Variants in PFKFB3 observed in about 807,000 individuals in gnomAD.
The protein encoded by PFKFB3 is 6-phosphofructo-2-kinase/fructose-2,6-biphosphatase 3, also known as 6-phosphofructo-2-kinase/fructose-2,6-bisphosphatase 3.
Under a neutral mutation model 68.0 loss-of-function variants are expected in PFKFB3, and 33 were observed. The ratio of observed to expected loss-of-function variants is 0.49; its 90% CI spans 0.37 to 0.65. PFKFB3 has a LOEUF of 0.65. Ranked by LOEUF, PFKFB3 falls within the 30% of genes least tolerant of loss-of-function variation. PFKFB3 has a pLI of 0.00. For synonymous variants in PFKFB3, 315 were observed against 288.2 expected (o/e 1.09, Z -0.94); for missense variants, 586 against 712.2 (o/e 0.82, Z 2.02).
intron 1 of PFKFB3, among the ~76,000 whole-genome samples, chr10:6,161,577 C>CACACATATGTATATATAT (rs1169098573): frequency 3.2e-3 from 83 of 25,836 alleles, no homozygotes; most frequent in East Asian, 0.024. Flanking sequence ...TATATATATA[C>CACACATATGTATATATAT]ACACACACAT....
At chr10:6,288,514 C>A in the PFKFB3 span, among the ~76,000 whole-genome samples, 1 of 152,010 alleles carries the variant, frequency 6.6e-6, no homozygotes, top group Non-Finnish European at 1.5e-5. Context: ...TCATCCATGT[C>A]CCTACAAAGG....
At chr10:6,250,914 C>A (rs1846366912) in intron 14 of PFKFB3, among the ~76,000 whole-genome samples, 1 of 152,206 alleles carries the variant, frequency 6.6e-6, no homozygotes, top group Non-Finnish European at 1.5e-5. Context: ...TTGAACTACG[C>A]CAGCGCTTCT....
At chr10:6,199,221 ACTCT>A (rs998935748), upstream of PFKFB3, among the ~76,000 whole-genome samples, 1 of 151,894 alleles carries the variant, frequency 6.6e-6, no homozygotes, top group African/African-American at 2.4e-5. Context: ...TTGTCACCTC[ACTCT>A]CTCTGGGGCA....
intron 1 of PFKFB3, among the ~76,000 whole-genome samples, chr10:6,186,573 A>T (rs775674766): frequency 3.9e-5 from 6 of 152,234 alleles, no homozygotes; most frequent in Non-Finnish European, 7.3e-5. Context: ...CATTTCAAGA[A>T]TGGCACTGTG....
At chr10:6,225,822 C>T (rs941192062) in intron 13 of PFKFB3, among the ~76,000 whole-genome samples, 5 of 152,216 alleles carry the variant, frequency 3.3e-5, no homozygotes, top group Admixed American at 2.6e-4. Flanking sequence ...GGCCCAGCCT[C>T]TCCCTCCTAG....
chr10:6,244,983 T>G (rs1476482806), intron 14 of PFKFB3, among the ~76,000 whole-genome samples: 2 of 152,204 alleles, frequency 1.3e-5, no homozygotes, highest in African/African-American at 4.8e-5. Context: ...ACCTTCGAGA[T>G]CTGCAAGTTT....
At chr10:6,209,224 G>C (rs930390410) in intron 1 of PFKFB3, among the ~76,000 whole-genome samples, 1 of 152,196 alleles carries the variant, frequency 6.6e-6, no homozygotes, top group African/African-American at 2.4e-5. Context: ...GAGTCCCCCA[G>C]ATTCAATTCG....
At chr10:6,290,088 C>G in the PFKFB3 span, among the ~76,000 whole-genome samples, 1 of 152,124 alleles carries the variant, frequency 6.6e-6, no homozygotes, top group Non-Finnish European at 1.5e-5. Context: ...TGCTTATCAG[C>G]TTAAGGAGAT....
Position 6,220,122 on chromosome 10 carries a change from G to C in PFKFB3, c.623+429G>C, listed in dbSNP as rs1240129554. Reference sequence around the variant, plus strand: ...TTACTTGCTTGCCTGCTTGCTTAGAGACAGGGTCTCCCTTTGTCTCCCAGG... The same window carrying C: ...TTACTTGCTTGCCTGCTTGCTTAGACACAGGGTCTCCCTTTGTCTCCCAGG... On this transcript the variant is annotated intron_variant, in intron 7 of 14. Coordinates refer to ENST00000379775, the MANE Select transcript of PFKFB3 (RefSeq NM_004566.4). The surrounding 1 kb of genome is among the most constrained non-coding windows in gnomAD (Gnocchi z 4.1). Among the ~76,000 whole-genome samples the C allele has an allele frequency of 6.6e-6, 1 of 151,846 alleles. No homozygotes were observed. The highest frequency in any genetic ancestry group is 2.4e-5 in the African/African-American group (1 of 41,272).
intron 1 of PFKFB3, among the ~76,000 whole-genome samples, chr10:6,148,086 C>T (rs762385621): frequency 2.6e-5 from 4 of 152,242 alleles, no homozygotes; most frequent in African/African-American, 7.2e-5. Context: ...CACCAGCACA[C>T]GCTAGGTACC....
chr10:6,201,002 G>GC (rs1843329923), upstream of PFKFB3, among the ~76,000 whole-genome samples: 1 of 152,200 alleles, frequency 6.6e-6, no homozygotes, highest in Non-Finnish European at 1.5e-5. This position sits in a 1 kb window ranked among gnomAD's most constrained non-coding sequence, Gnocchi z 4.1. Context: ...GTGGAAGAAG[G>GC]CCCCCTGGTC....
intron 1 of PFKFB3, among the ~76,000 whole-genome samples, chr10:6,174,114 C>T (rs950725659): frequency 7.3e-5 from 11 of 151,334 alleles, no homozygotes; most frequent in Admixed American, 5.2e-4. Flanking sequence ...AGTCCTTACA[C>T]GGTGCTCCTT....
chr10:6,322,754 A>G, the PFKFB3 span, among the ~76,000 whole-genome samples: 2 of 152,140 alleles, frequency 1.3e-5, no homozygotes, highest in Non-Finnish European at 2.9e-5. Context: ...GAAATTTCTC[A>G]TCTCTTGAAA....
At chr10:6,202,328 GA>G (rs17136787), upstream of PFKFB3, 36,917 of 151,890 alleles carry the variant, frequency 0.24, 4,561 homozygotes, top group Middle Eastern at 0.31. Context: ...AGTGGACAAG[GA>G]CGAGGTGAGG....
chr10:6,292,947 A>T, the PFKFB3 span, among the ~76,000 whole-genome samples: 2 of 152,344 alleles, frequency 1.3e-5, no homozygotes, highest in African/African-American at 4.8e-5. Context: ...CAGATGAAAC[A>T]GTAAGATTCC....
chr10:6,153,074 C>T (rs985957440), intron 1 of PFKFB3, among the ~76,000 whole-genome samples: 4 of 151,372 alleles, frequency 2.6e-5, no homozygotes, highest in East Asian at 1.9e-4. Flanking sequence ...CCCAGCTACT[C>T]GGGAGGCTAA....
At chr10:6,303,798 TAA>T in the PFKFB3 span, among the ~76,000 whole-genome samples, 8 of 120,740 alleles carry the variant, frequency 6.6e-5, no homozygotes, top group East Asian at 2.4e-4. Context: ...AGAGTCCATC[TAA>T]AAAAAAAAAA....
intron 1 of PFKFB3, among the ~76,000 whole-genome samples, chr10:6,213,284 G>A (rs1355712125): frequency 6.6e-6 from 1 of 152,176 alleles, no homozygotes; most frequent in Non-Finnish European, 1.5e-5. Context: ...TGTAATCCCA[G>A]CACTCTGGGA....
At chr10:6,248,623 C>A (rs1588568327) in intron 14 of PFKFB3, among the ~76,000 whole-genome samples, 3 of 68,396 alleles carry the variant, frequency 4.4e-5, no homozygotes, top group African/African-American at 5.9e-5. Context: ...AGGAAGACTC[C>A]ATCTCAAAAA....
Sources: gnomAD v4.1 joint callset for allele counts (sites outside exome capture counted in the v4.1 genomes callset) on GRCh38, gnomAD v4.1.1 for gene constraint, Gnocchi (gnomAD v3.1) non-coding constraint, MANE v1.5 for transcripts, NCBI Gene and HGNC (gene_info 2026-07-23, HGNC 2026-07-21) for gene names.